The following NRXN1 variants were observed in gnomAD, a reference collection of about 807,000 sequenced individuals.
The protein encoded by NRXN1 is neurexin 1.
Under a neutral mutation model 150.9 loss-of-function variants are expected in NRXN1, and 39 were observed. The observed-to-expected ratio is 0.26, with a 90% confidence interval of 0.20 to 0.34. The LOEUF (loss-of-function observed/expected upper bound fraction) is 0.34. NRXN1 is among the 10% of genes least tolerant of loss of function. The pLI is 1.00. For synonymous variants in NRXN1, 924 were observed against 757.0 expected (o/e 1.22, Z -3.62); for missense variants, 1,815 against 1,949.9 (o/e 0.93, Z 1.30).
intron 5 of NRXN1, among the ~76,000 whole-genome samples, chr2:50,768,828 A>G (rs1260907673): frequency 2.0e-5 from 3 of 150,742 alleles, no homozygotes; most frequent in African/African-American, 7.3e-5. Context: ...CTCTACATCC[A>G]CTCCCCCCAT....
intron 5 of NRXN1, among the ~76,000 whole-genome samples, chr2:50,898,357 G>A (rs1224052044): frequency 6.6e-6 from 1 of 151,856 alleles, no homozygotes; most frequent in Admixed American, 6.6e-5. Context: ...TTTTAAATAT[G>A]GGCCATTCTG....
intron 17 of NRXN1, among the ~76,000 whole-genome samples, chr2:50,322,034 C>CAAAA (rs10707210): frequency 8.5e-6 from 1 of 117,596 alleles, no homozygotes; most frequent in Non-Finnish European, 1.9e-5. Context: ...ATTACAACAT[C>CAAAA]AAAAAAAAAA....
chr2:50,249,025 C>T (rs1383664454), intron 17 of NRXN1, among the ~76,000 whole-genome samples: 3 of 144,932 alleles, frequency 2.1e-5, no homozygotes, highest in Non-Finnish European at 4.5e-5. Flanking sequence ...GGTGTGGTGG[C>T]ACACATCTGT....
intron 5 of NRXN1, among the ~76,000 whole-genome samples, chr2:50,739,644 CA>C (rs907518059): frequency 6.6e-6 from 1 of 152,098 alleles, no homozygotes; most frequent in Non-Finnish European, 1.5e-5. Flanking sequence ...CATAATGGCA[CA>C]GTTTAAATCA....
chr2:50,016,173 T>A (rs1686554090), intron 21 of NRXN1, among the ~76,000 whole-genome samples: 1 of 151,970 alleles, frequency 6.6e-6, no homozygotes, highest in Non-Finnish European at 1.5e-5. Context: ...GTAGGTAAAG[T>A]CCTACCTAGA....
intron 17 of NRXN1, among the ~76,000 whole-genome samples, chr2:50,307,054 G>C (rs533587744): frequency 1.3e-5 from 2 of 152,086 alleles, no homozygotes; most frequent in African/African-American, 2.4e-5. Context: ...GCGTGATCTT[G>C]GCTTACTGCA....
intron 17 of NRXN1, among the ~76,000 whole-genome samples, chr2:50,240,216 G>A (rs959690863): frequency 6.6e-5 from 10 of 151,738 alleles, no homozygotes; most frequent in East Asian, 1.9e-4. Flanking sequence ...CAAAAAAATC[G>A]CAACTACTGT....
chr2:50,169,919 G>A (rs2059925960), intron 18 of NRXN1, among the ~76,000 whole-genome samples: 1 of 151,912 alleles, frequency 6.6e-6, no homozygotes, highest in African/African-American at 2.4e-5. Context: ...CTGGAGAGGT[G>A]AACTAGGAGA....
chr2:50,873,015 T>A (rs1304069316), intron 5 of NRXN1, among the ~76,000 whole-genome samples: 1 of 151,612 alleles, frequency 6.6e-6, no homozygotes, highest in Non-Finnish European at 1.5e-5. Context: ...AAAGAAAATA[T>A]AATTTCCCAC....
intron 17 of NRXN1, among the ~76,000 whole-genome samples, chr2:50,261,107 A>C (rs1161568139): frequency 6.6e-6 from 1 of 151,748 alleles, no homozygotes; most frequent in Non-Finnish European, 1.5e-5. Context: ...ACTGCTAATT[A>C]AACTATTAAC....
At chr2:50,561,118 T>C (rs1032044311) in intron 8 of NRXN1, among the ~76,000 whole-genome samples, 4 of 152,178 alleles carry the variant, frequency 2.6e-5, no homozygotes, top group Non-Finnish European at 5.9e-5. Flanking sequence ...CCCTCCTGCT[T>C]TGTCCTTCCT....
chr2:49,991,886 G>A (rs996578368), intron 21 of NRXN1, among the ~76,000 whole-genome samples: 1 of 152,122 alleles, frequency 6.6e-6, no homozygotes, highest in Non-Finnish European at 1.5e-5. Context: ...ATTAATGAAG[G>A]AATAGGCAAA....
intron 5 of NRXN1, among the ~76,000 whole-genome samples, chr2:50,776,047 C>T (rs779912103): frequency 1.3e-5 from 2 of 151,984 alleles, no homozygotes; most frequent in Non-Finnish European, 2.9e-5. Context: ...GCATAATGGG[C>T]CATTTAAAAT....
At chr2:50,178,076 A>G (rs2060462741) in intron 18 of NRXN1, among the ~76,000 whole-genome samples, 1 of 152,038 alleles carries the variant, frequency 6.6e-6, no homozygotes, top group Non-Finnish European at 1.5e-5. Context: ...TTCAATTTAA[A>G]CAGTCCCTGA....
At chr2:50,329,667 ATATATATTTT>A (rs1268198284) in intron 17 of NRXN1, among the ~76,000 whole-genome samples, 1,002 of 26,148 alleles carry the variant, frequency 0.038, 95 homozygotes, top group African/African-American at 0.055. Context: ...ATATATATAT[ATATATATTTT>A]TTTTTTTCCC....
intron 20 of NRXN1, 52 bp from the exon 21 acceptor site, chr2:50,053,642 T>C (rs765701124): frequency 1.3e-6 from 2 of 1,557,428 alleles, no homozygotes; most frequent in Admixed American, 1.7e-5. Context: ...GAACTCTATA[T>C]CTACAATGGA....
At position 50,616,258 on chromosome 2, in the gene NRXN1, G is replaced by A. The variant is rs535717628; in HGVS notation, c.1320+3764C>T. 2.6e-5 allele frequency: 4 copies of A among 152,200 alleles called. No homozygotes were observed. The East Asian group carries it at 5.8e-4, about 22-fold the overall frequency. 9.4% of individuals were successfully genotyped at this position (152,200 alleles called of 1,614,324 possible). On this transcript the variant is annotated intron_variant, in intron 8 of 22. Transcript: ENST00000401669. ...TGTCATTTTAAACAAAGCACCATAT[G>A]AAGTTCAGGTTAGGTTTTACCAAAT...
At chr2:50,204,739 C>G (rs2062440120) in intron 18 of NRXN1, among the ~76,000 whole-genome samples, 1 of 151,404 alleles carries the variant, frequency 6.6e-6, no homozygotes, top group East Asian at 1.9e-4. Context: ...TATTTTTGGC[C>G]AAAGAGTGGG....
chr2:50,101,856 T>A (rs975932627), intron 18 of NRXN1, among the ~76,000 whole-genome samples: 2 of 151,988 alleles, frequency 1.3e-5, no homozygotes, highest in Non-Finnish European at 2.9e-5. Flanking sequence ...GACTTCCTAA[T>A]GATGCTATGT....
Sources: gnomAD v4.1 joint callset for allele counts (sites outside exome capture counted in the v4.1 genomes callset) on GRCh38, gnomAD v4.1.1 for gene constraint, MANE v1.5 for transcripts, NCBI Gene and HGNC (gene_info 2026-07-23, HGNC 2026-07-21) for gene names.